Variants in AFF2 observed in about 807,000 individuals in gnomAD.
The protein encoded by AFF2 is ALF transcription elongation factor 2.
In AFF2, 14 loss-of-function variants were observed where a neutral mutation model predicts 76.9. That is an observed-to-expected ratio of 0.18 (90% CI 0.12 to 0.28). AFF2 has a LOEUF of 0.28. AFF2 is among the 10% of genes least tolerant of loss of function. The pLI, the probability that AFF2 is intolerant of heterozygous loss-of-function variation, is 1.00. For synonymous variants in AFF2, 398 were observed against 366.7 expected, an observed-to-expected ratio of 1.09 and a Z score of -0.98; for missense variants, 868 against 1,001.1, an observed-to-expected ratio of 0.87 and a Z score of 1.79.
chrX:148,785,966 C>A (rs782242665), intron 3 of AFF2, among the ~76,000 whole-genome samples: 28 of 111,747 alleles, frequency 2.5e-4, no homozygotes, highest in Admixed American at 1.3e-3. Context: ...GTACCCAGGT[C>A]TCTGTCCCAG....
In AFF2 at chrX:148,994,936, G is replaced by C. The variant is rs1464230051; in HGVS notation, c.*3604G>C. The C allele has an allele frequency of 8.9e-6, 1 of 111,990 alleles. No homozygotes were observed. The highest frequency in any genetic ancestry group is 3.3e-5 in the African/African-American group (1 of 30,704). The allele number at this position is 111,990 out of a possible 1,213,427, so 9.2% of individuals were successfully genotyped here. A position where few individuals can be genotyped will look rare whatever the true frequency, so the allele number is the denominator to read the frequency against. On this transcript the variant is annotated 3_prime_UTR_variant, in exon 21 of 21. Transcript: ENST00000370460. Reference sequence around the variant, plus strand: ...AGAACCAAACTGGATCACTGGGTAAGACTACTCAGTAAAGCAATGAACTGC... The same window carrying C: ...AGAACCAAACTGGATCACTGGGTAACACTACTCAGTAAAGCAATGAACTGC...
chrX:148,775,145 G>T (rs1264676541), intron 3 of AFF2, among the ~76,000 whole-genome samples: 1 of 111,667 alleles, frequency 9.0e-6, no homozygotes, highest in African/African-American at 3.3e-5. Flanking sequence ...AAATTGATTA[G>T]GTGGCCAGCA....
rs2054318860 is a variant in AFF2, at chrX:148,662,561, A to C, written c.834A>C (p.Thr278=). The change falls in exon 3 of 21, where the codon ACA becomes ACC. Residue 278 remains threonine (T), a synonymous_variant. Transcript: ENST00000370460. ...QNFPPGLYCK[T]SMGQQKPTAY... ...TCCCACCAGGGCTTTACTGCAAAACAAGCATGGGGCAGCAAAAGCCAACTG... is the reference window on the plus strand; with the variant it reads ...TCCCACCAGGGCTTTACTGCAAAACCAGCATGGGGCAGCAAAAGCCAACTG... 5.0e-6 allele frequency: 6 copies of C among 1,211,638 alleles called. No homozygotes were observed. Among genetic ancestry groups the C allele is most frequent in the Non-Finnish European group, 6.7e-6 (6 of 895,496 alleles).
intron 3 of AFF2, among the ~76,000 whole-genome samples, chrX:148,668,638 C>G (rs1016793198): frequency 1.8e-5 from 2 of 112,364 alleles, no homozygotes; most frequent in African/African-American, 6.5e-5. Flanking sequence ...GAAATGACAG[C>G]CCAAGCTTAG....
chrX:148,869,863 C>G (rs998899673), intron 7 of AFF2, among the ~76,000 whole-genome samples: 4 of 111,449 alleles, frequency 3.6e-5, no homozygotes, highest in Admixed American at 9.5e-5. Flanking sequence ...TCTTCACATA[C>G]TCATCCTTCT....
intron 1 of AFF2, among the ~76,000 whole-genome samples, chrX:148,609,757 T>C (rs1300836250): frequency 1.8e-5 from 2 of 111,554 alleles, no homozygotes; most frequent in Non-Finnish European, 3.8e-5. Flanking sequence ...GACACACACA[T>C]TGGATATGGT....
At chrX:148,672,870 C>A (rs1365681353) in intron 3 of AFF2, among the ~76,000 whole-genome samples, 1 of 111,638 alleles carries the variant, frequency 9.0e-6, no homozygotes, top group African/African-American at 3.3e-5. Context: ...ATCTAAATTT[C>A]TGTGGTTGAA....
chrX:148,501,549 C>T (rs1213295544), intron 1 of AFF2, among the ~76,000 whole-genome samples: 1 of 113,305 alleles, frequency 8.8e-6, no homozygotes, highest in Non-Finnish European at 1.9e-5. Flanking sequence ...ACGCCCGCGG[C>T]GGGCCATGGG....
chrX:148,802,955 T>C (rs918882494), intron 3 of AFF2, among the ~76,000 whole-genome samples: 1 of 111,967 alleles, frequency 8.9e-6, no homozygotes, highest in Non-Finnish European at 1.9e-5. Flanking sequence ...TGCAGTCTTC[T>C]CTTTTATTAT....
chrX:148,684,329 T>A (rs1162379815), intron 3 of AFF2, among the ~76,000 whole-genome samples: 3 of 112,212 alleles, frequency 2.7e-5, no homozygotes, highest in Non-Finnish European at 5.6e-5. Flanking sequence ...ATTTTTGAAT[T>A]TAGCAATGTC....
At chrX:148,686,930 C>T (rs1022028230) in intron 3 of AFF2, among the ~76,000 whole-genome samples, 8 of 111,546 alleles carry the variant, frequency 7.2e-5, no homozygotes, top group Non-Finnish European at 1.1e-4. Flanking sequence ...ATTGAATACT[C>T]TCATTTAGCA....
chrX:148,986,654 G>T (rs184709339), intron 19 of AFF2, among the ~76,000 whole-genome samples: 1 of 112,710 alleles, frequency 8.9e-6, no homozygotes, highest in African/African-American at 3.2e-5. Flanking sequence ...CTGCTCCTTG[G>T]GGGGCTGTAA....
intron 1 of AFF2, among the ~76,000 whole-genome samples, chrX:148,515,675 G>A (rs2052527386): frequency 8.9e-6 from 1 of 112,154 alleles, no homozygotes; most frequent in South Asian, 3.7e-4. Flanking sequence ...ACTAATTTCA[G>A]TGGTGTGCAG....
intron 3 of AFF2, among the ~76,000 whole-genome samples, chrX:148,746,965 G>T (rs782500188): frequency 1.8e-5 from 2 of 112,376 alleles, no homozygotes; most frequent in Non-Finnish European, 3.8e-5. Context: ...TGGCAGAGAG[G>T]TAGATGGACT....
At chrX:148,797,164 C>T (rs1185519451) in intron 3 of AFF2, among the ~76,000 whole-genome samples, 2 of 112,139 alleles carry the variant, frequency 1.8e-5, no homozygotes, top group Non-Finnish European at 3.8e-5. Context: ...CTTCTACTAG[C>T]TAGAGATTAA....
At chrX:148,690,146 G>C (rs973689337) in intron 3 of AFF2, among the ~76,000 whole-genome samples, 1 of 112,182 alleles carries the variant, frequency 8.9e-6, no homozygotes, top group Non-Finnish European at 1.9e-5. Flanking sequence ...TCAGAGGAAA[G>C]AAAGTGTCTA....
At chrX:148,611,160 C>T (rs782554279) in intron 1 of AFF2, among the ~76,000 whole-genome samples, 1 of 111,529 alleles carries the variant, frequency 9.0e-6, no homozygotes, top group Admixed American at 9.5e-5. Context: ...GAATTTGCAC[C>T]CTGGAAGTTG....
At chrX:148,502,582 A>G (rs1233563147) in intron 1 of AFF2, among the ~76,000 whole-genome samples, 1 of 112,888 alleles carries the variant, frequency 8.9e-6, no homozygotes, top group Admixed American at 9.3e-5. Flanking sequence ...ACATTAAAAA[A>G]TGCTGTTATT....
At chrX:148,639,492 A>G (rs889650409) in intron 1 of AFF2, among the ~76,000 whole-genome samples, 1 of 112,139 alleles carries the variant, frequency 8.9e-6, no homozygotes, top group East Asian at 2.8e-4. Context: ...TAGATAGGAG[A>G]CAAGCAATTG....
Sources: allele counts gnomAD v4.1 joint callset (sites outside exome capture counted in the v4.1 genomes callset), GRCh38; gene constraint gnomAD v4.1.1; transcripts MANE v1.5; gene names NCBI Gene and HGNC (gene_info 2026-07-23, HGNC 2026-07-21).